The following MYH14 variants were observed in gnomAD, a reference collection of about 807,000 sequenced individuals.
MYH14 encodes myosin-14.
A neutral mutation model predicts 255.5 loss-of-function variants in MYH14; 123 were observed. The observed-to-expected ratio is 0.48, with a 90% CI of 0.42 to 0.56. The LOEUF is 0.56. Ranked by LOEUF, MYH14 falls within the 20% of genes least tolerant of loss-of-function variation. The pLI is 0.00. For missense variants in MYH14, 2,423 were observed against 2,802.3 expected (o/e 0.86, Z 3.06); for synonymous variants, 1,095 against 1,161.2 (o/e 0.94, Z 1.16).
intron 15 of MYH14, among the ~76,000 whole-genome samples, chr19:50,251,010 G>C (rs995354716): frequency 1.3e-5 from 2 of 152,198 alleles, no homozygotes; most frequent in Admixed American, 6.5e-5. Flanking sequence ...GCCGAGCAAA[G>C]CTGGATACAC....
At chr19:50,207,222 C>G (rs972893395) in intron 1 of MYH14, among the ~76,000 whole-genome samples, 2 of 118,228 alleles carry the variant, frequency 1.7e-5, no homozygotes, top group Non-Finnish European at 3.4e-5. Context: ...AGAGCGAGAC[C>G]TATCTCTAAG....
intron 33 of MYH14, among the ~76,000 whole-genome samples, chr19:50,282,063 T>A (rs2035744153): frequency 6.6e-6 from 1 of 152,206 alleles, no homozygotes; most frequent in Admixed American, 6.5e-5. Flanking sequence ...TAGCACCCAC[T>A]TTTACTTTCA....
chr19:50,274,924 C>A (rs1601000661), intron 27 of MYH14, among the ~76,000 whole-genome samples: 2 of 145,726 alleles, frequency 1.4e-5, no homozygotes, highest in Admixed American at 1.4e-4. Flanking sequence ...GAACGAGACC[C>A]TCTCTCTCAA....
At chr19:50,278,781 C>T (rs788333) in intron 30 of MYH14, among the ~76,000 whole-genome samples, 57,474 of 147,710 alleles carry the variant, frequency 0.39, 11,582 homozygotes, top group Non-Finnish European at 0.44. Context: ...TCGAGACCGG[C>T]CTCACCAACA....
At chr19:50,248,881 G>A in intron 12 of MYH14, 106 bp from the exon 13 acceptor site, 1 of 1,182,282 alleles carries the variant, frequency 8.5e-7, no homozygotes, top group Non-Finnish European at 1.2e-6. Flanking sequence ...GAGCTGGGAG[G>A]CGACCTTAAG....
In MYH14 at chr19:50,272,634, G is replaced by C. The variant is rs753407817; in HGVS notation, c.3370G>C (p.Glu1124Gln). ...LKRRLDGESS[E>Q]LQEQMVEQQQ... ...GCGGAGGCTGGATGGGGAGAGCTCA[G>C]AGCTGCAGGAGCAGATGGTGGAGCA... The change falls in exon 27 of 43, where the codon GAG becomes CAG. Residue 1124 changes from glutamate (E) to glutamine (Q), a missense_variant. By Grantham distance (29) the Glu-to-Gln change is conservative (BLOSUM62 2). Coordinates refer to ENST00000642316, the MANE Select transcript of MYH14 (RefSeq NM_001145809.2). The C allele has an allele frequency of 1.3e-6, 2 of 1,571,194 alleles. No homozygotes were observed. The highest frequency in any genetic ancestry group is 2.3e-5 in the South Asian group (2 of 85,466).
chr19:50,214,632 A>C (rs1007355908), intron 2 of MYH14, among the ~76,000 whole-genome samples: 1 of 152,146 alleles, frequency 6.6e-6, no homozygotes. Context: ...CCTTCATTCA[A>C]ATTCACACAC....
intron 1 of MYH14, 73 bp from the exon 2 acceptor site, chr19:50,210,290 A>C: frequency 7.3e-7 from 1 of 1,377,928 alleles, no homozygotes; most frequent in Non-Finnish European, 9.7e-7. Context: ...TGCCTGGGGA[A>C]TTTGGGGTAG....
rs1165303680 is a variant in MYH14, at chr19:50,293,236, C to G, written c.5260C>G (p.Leu1754Val). The G allele has an allele frequency of 6.2e-7, 1 of 1,603,188 alleles. No individual in the cohort carries two copies. Among genetic ancestry groups the G allele is most frequent in the Non-Finnish European group, 8.5e-7 (1 of 1,175,218 alleles). ...EAEVLRLQEE[L>V]AASDRARRQA... is the part of the protein sequence containing the mutation. Reference sequence around the variant, plus strand: ...GGCCACCCCTCCATCATCACAGGAACTGGCCGCCTCGGACCGTGCTCGGCG... The same window carrying G: ...GGCCACCCCTCCATCATCACAGGAAGTGGCCGCCTCGGACCGTGCTCGGCG... Residue 1754 changes from leucine to valine, a missense_variant, in exon 38 of 43, where the codon CTG (leucine) becomes GTG (valine). Physicochemically the swap from Leu to Val is conservative, Grantham distance 32. This residue lies in a region of MYH14 where 1,513 missense variants were observed against 1,674.8 expected (regional missense o/e 0.90). Transcript: ENST00000642316. This position sits in a 1 kb window ranked among gnomAD's most constrained non-coding sequence, Gnocchi z 4.1.
rs549569641 is a variant in MYH14, at chr19:50,218,610, AATTT to A, written c.562+844_562+847del. Among the ~76,000 whole-genome samples the A allele has an allele frequency of 1.1e-4, 16 of 151,096 alleles. No individual in the cohort carries two copies. The East Asian group carries it at 2.8e-3, about 26-fold the overall frequency. ...GAGACTCTGTCTCAAAAAAAAAATTAATTTATTTTTTATTTCAATAGTTTTTGGG... is the reference window on the plus strand; with the variant it reads ...GAGACTCTGTCTCAAAAAAAAAATTAATTTTTTATTTCAATAGTTTTTGGG... On this transcript the variant is annotated intron_variant, in intron 3 of 42. Coordinates refer to ENST00000642316, the MANE Select transcript of MYH14 (RefSeq NM_001145809.2).
chr19:50,257,384 A>T lies in MYH14; in HGVS notation c.2130A>T (p.Thr710=), dbSNP rs898096767. 1 of 1,608,882 alleles carries T rather than the reference A, an allele frequency of 6.2e-7. No individual in the cohort carries two copies. ...GGRPRRGMFR[T]VGQLYKESLS... ...GCCCCCGTCGGGGTATGTTCCGGAC[A>T]GTGGGACAGCTCTACAAGGAGTCCC... Residue 710 remains threonine (T), a synonymous_variant, in exon 18 of 43, where the codon ACA becomes ACT. Coordinates refer to ENST00000642316, the MANE Select transcript of MYH14 (RefSeq NM_001145809.2).
At chr19:50,299,600 A>G (rs2036406937) in intron 39 of MYH14, among the ~76,000 whole-genome samples, 1 of 148,210 alleles carries the variant, frequency 6.7e-6, no homozygotes, top group Non-Finnish European at 1.5e-5. Flanking sequence ...AAAAAATTTT[A>G]AAGGAATAAA....
chr19:50,245,134 A>AAG (rs1600926706), intron 11 of MYH14, among the ~76,000 whole-genome samples: 1 of 152,108 alleles, frequency 6.6e-6, no homozygotes, highest in East Asian at 1.9e-4. Flanking sequence ...AGTAGAAAGG[A>AAG]AGAGAGAAAA....
chr19:50,220,016 C>G (rs1407912337), intron 3 of MYH14, among the ~76,000 whole-genome samples: 1 of 152,008 alleles, frequency 6.6e-6, no homozygotes, highest in Non-Finnish European at 1.5e-5. Flanking sequence ...GCCTGGGCAA[C>G]ATAACAAGAC....
In MYH14 at chr19:50,210,478, G is replaced by A; in HGVS notation, c.113G>A (p.Gly38Asp). 3 of 1,550,296 alleles carry A rather than the reference G, an allele frequency of 1.9e-6. No homozygotes were observed. The highest frequency in any genetic ancestry group is 2.6e-6 in the Non-Finnish European group (3 of 1,148,574). The change falls in exon 2 of 43, where the codon GGC (glycine) becomes GAC (aspartate). Residue 38 changes from glycine (G) to aspartate (D), a missense_variant. By Grantham distance (94) the Gly-to-Asp change is moderately conservative. This residue lies in a region of MYH14 where 238 missense variants were observed against 245.8 expected (regional missense o/e 0.97). Coordinates refer to ENST00000642316, the MANE Select transcript of MYH14 (RefSeq NM_001145809.2). ...ACGCCCCGCGGGCCCAGCGCGGGTGGCGGGCCTGGCTCGGGCACCTCCCCG... is the reference window on the plus strand; with the variant it reads ...ACGCCCCGCGGGCCCAGCGCGGGTGACGGGCCTGGCTCGGGCACCTCCCCG... The part of the protein sequence containing the change: ...LFTPRGPSAG[G>D]GPGSGTSPQV...
intron 10 of MYH14, among the ~76,000 whole-genome samples, 162 bp from the exon 11 acceptor site, chr19:50,244,080 A>AT (rs1186212882): frequency 6.6e-6 from 1 of 151,148 alleles, no homozygotes; most frequent in African/African-American, 2.4e-5. Context: ...GAGTGCTGGG[A>AT]TTACAGGTGT....
Position 50,229,871 on chromosome 19 carries a change from A to G in MYH14, c.875-654A>G, listed in dbSNP as rs542539054. Among the ~76,000 whole-genome samples, 12 of 152,192 alleles carry G rather than the reference A, an allele frequency of 7.9e-5. No individual in the cohort carries two copies. In the South Asian group the frequency reaches 2.5e-3, roughly 32 times the overall value. ...CATTGTTCAGGGTGCTTCATGCACA[A>G]TAAGTCATTTATCTTCACAGCAACT... On this transcript the variant is annotated intron_variant, in intron 8 of 42. Coordinates refer to ENST00000642316, the MANE Select transcript of MYH14 (RefSeq NM_001145809.2).
chr19:50,271,760 T>G, intron 25 of MYH14, 89 bp from the exon 26 acceptor site: 1 of 1,569,316 alleles, frequency 6.4e-7, no homozygotes, highest in Non-Finnish European at 8.7e-7. Flanking sequence ...GAAACATAGA[T>G]GAGAACAACA....
Position 50,214,735 on chromosome 19 carries a change from C to T in MYH14, c.406-2880C>T, listed in dbSNP as rs915631554. Reference sequence around the variant, plus strand: ...GTTTGAGGCTGCAGTGAGCCAGGATCGTGCCACTACACTCCAGCCTGGGCG... The same window carrying T: ...GTTTGAGGCTGCAGTGAGCCAGGATTGTGCCACTACACTCCAGCCTGGGCG... On this transcript the variant is annotated intron_variant, in intron 2 of 42. Coordinates refer to ENST00000642316, the MANE Select transcript of MYH14 (RefSeq NM_001145809.2). Among the ~76,000 whole-genome samples, 3 of 152,080 alleles carry T rather than the reference C, an allele frequency of 2.0e-5. No homozygotes were observed. The East Asian group carries it at 5.8e-4, about 29-fold the overall frequency.
Sources: allele counts gnomAD v4.1 joint callset (sites outside exome capture counted in the v4.1 genomes callset), GRCh38; gene constraint gnomAD v4.1.1; regional missense constraint gnomAD v4.1.1; non-coding constraint Gnocchi (gnomAD v3.1); transcripts MANE v1.5; gene names NCBI Gene and HGNC (gene_info 2026-07-23, HGNC 2026-07-21).